Variants in ZSWIM9 observed in about 807,000 individuals in gnomAD.
The protein encoded by ZSWIM9 is zinc finger SWIM-type containing 9, also known as uncharacterized protein ZSWIM9.
Under a neutral mutation model 25.0 loss-of-function variants are expected in ZSWIM9, and 11 were observed. The ratio of observed to expected loss-of-function variants is 0.44; its 90% CI spans 0.28 to 0.73. The LOEUF (loss-of-function observed/expected upper bound fraction) is 0.73. Ranked by LOEUF, ZSWIM9 falls within the 30% of genes least tolerant of loss-of-function variation. ZSWIM9 has a pLI of 0.16. For synonymous variants in ZSWIM9, 562 were observed against 582.1 expected (o/e 0.97, Z 0.50); for missense variants, 1,070 against 1,296.5 (o/e 0.83, Z 2.68).
chr19:48,185,114 CTG>C (rs1256082922), intron 3 of ZSWIM9, among the ~76,000 whole-genome samples: 1 of 149,604 alleles, frequency 6.7e-6, no homozygotes, highest in Non-Finnish European at 1.5e-5. Context: ...GCTCCTGCGT[CTG>C]TGTTTTGACC....
chr19:48,185,678 T>C (rs2037003527), intron 3 of ZSWIM9, among the ~76,000 whole-genome samples: 1 of 152,158 alleles, frequency 6.6e-6, no homozygotes, highest in Admixed American at 6.6e-5. Context: ...TGGAACTTTC[T>C]ACAATGATAG....
chr19:48,192,498 T>TATATATATATACACAC (rs369454865), intron 3 of ZSWIM9, among the ~76,000 whole-genome samples: 397 of 20,682 alleles, frequency 0.019, 16 homozygotes, highest in Middle Eastern at 0.031. Context: ...TATATATATA[T>TATATATATATACACAC]ACACACACAC....
At chr19:48,187,521 T>TATATTATA in intron 3 of ZSWIM9, among the ~76,000 whole-genome samples, 3 of 84,326 alleles carry the variant, frequency 3.6e-5, no homozygotes, top group Non-Finnish European at 6.3e-5. Flanking sequence ...TTATATATAT[T>TATATTATA]ATATATTATA....
chr19:48,195,231 C>G lies in ZSWIM9; in HGVS notation c.1167C>G (p.Val389=), dbSNP rs912216881. The part of the protein sequence containing the change: ...RNWEPRRDMW[V]RFRAFEAARD... ...GGGAGCCCCGCCGCGACATGTGGGT[C>G]CGCTTCCGCGCCTTCGAGGCGGCCA... is the stretch of plus-strand genomic sequence containing the variant. The change falls in exon 4 of 4, where the codon GTC becomes GTG. Residue 389 remains valine (V), a synonymous_variant. Coordinates refer to ENST00000614654, the MANE Select transcript of ZSWIM9 (RefSeq NM_199341.4). The surrounding 1 kb of genome is among the most constrained non-coding windows in gnomAD (Gnocchi z 5.8). The G allele has an allele frequency of 6.5e-7, 1 of 1,528,820 alleles. No homozygotes were observed. Among genetic ancestry groups the G allele is most frequent in the African/African-American group, 1.4e-5 (1 of 72,612 alleles). The allele number at this position is 1,528,820 out of a possible 1,614,324, so 94.7% of individuals were successfully genotyped here.
At chr19:48,191,086 A>ATGTGTG (rs1409972670) in intron 3 of ZSWIM9, among the ~76,000 whole-genome samples, 2,392 of 142,606 alleles carry the variant, frequency 0.017, 76 homozygotes, top group Admixed American at 0.084. Context: ...TGCAGTGTGT[A>ATGTGTG]TGTGTATGTG....
rs572367819 is a variant in ZSWIM9 at position 48,194,532 on chromosome 19, G to A, written c.589-121G>A. On this transcript the variant is annotated intron_variant, in intron 3 of 3. Coordinates refer to ENST00000614654, the MANE Select transcript of ZSWIM9 (RefSeq NM_199341.4). The surrounding 1 kb of genome is among the most constrained non-coding windows in gnomAD (Gnocchi z 6.0). The stretch of plus-strand genomic sequence containing the variant: ...GCCGGTCAAAAGAATAAATGCATAT[G>A]CAGGCAAGAATGAATGGGTGGTCCC... The A allele has an allele frequency of 5.6e-5, 58 of 1,029,454 alleles. No individual in the cohort carries two copies. Among genetic ancestry groups the A allele is most frequent in the Middle Eastern group, 6.6e-4 (2 of 3,016 alleles). The allele number at this position is 1,029,454 out of a possible 1,614,324, so 63.8% of individuals were successfully genotyped here.
Position 48,195,709 on chromosome 19 carries a change from G to A in ZSWIM9, c.1645G>A (p.Gly549Arg). Residue 549 changes from glycine (G) to arginine (R), a missense_variant, in exon 4 of 4, where the codon GGG becomes AGG. By Grantham distance (125) the Gly-to-Arg change is moderately radical. This residue lies in a region of ZSWIM9 where 583 missense variants were observed against 624.7 expected (regional missense o/e 0.93). Coordinates refer to ENST00000614654, the MANE Select transcript of ZSWIM9 (RefSeq NM_199341.4). The surrounding 1 kb of genome is among the most constrained non-coding windows in gnomAD (Gnocchi z 5.8). ...GVLRGSKLEK[G>R]HLRGPEIRDW... ...CTTGAGAGGGTCGAAGTTAGAGAAA[G>A]GGCACCTGAGAGGGCCAGAGATTAG... 2 of 1,468,388 alleles carry A rather than the reference G, an allele frequency of 1.4e-6. No homozygotes were observed. The highest frequency in any genetic ancestry group is 1.8e-6 in the Non-Finnish European group (2 of 1,117,310). 91.0% of individuals were successfully genotyped at this position (1,468,388 alleles called of 1,614,324 possible). A position where few individuals can be genotyped will look rare whatever the true frequency, so the allele number is the denominator to read the frequency against.
Position 48,197,140 on chromosome 19 carries a change from G to A in ZSWIM9, c.*313G>A. The A allele has an allele frequency of 2.9e-6, 2 of 686,928 alleles. No homozygotes were observed. Among genetic ancestry groups the A allele is most frequent in the South Asian group, 1.5e-5 (1 of 65,276 alleles). The allele number at this position is 686,928 out of a possible 1,614,324, so 42.6% of individuals were successfully genotyped here. A position where few individuals can be genotyped will look rare whatever the true frequency, so the allele number is the denominator to read the frequency against. On this transcript the variant is annotated 3_prime_UTR_variant, in exon 4 of 4. Transcript: ENST00000614654. ...GGCTGGGACAGAAGGAAGGAAAGGG[G>A]CAGAGCTGGGGGGAGGGGGAGGAAG...
intron 3 of ZSWIM9, among the ~76,000 whole-genome samples, chr19:48,186,364 G>A (rs914353614): frequency 1.3e-5 from 2 of 151,854 alleles, no homozygotes; most frequent in African/African-American, 4.8e-5. Flanking sequence ...GCAGTGGCAC[G>A]CTGTTGGCTC....
intron 2 of ZSWIM9, 146 bp downstream of exon 2, chr19:48,172,223 C>T (rs553435439): frequency 5.7e-5 from 41 of 722,966 alleles, no homozygotes; most frequent in Non-Finnish European, 8.5e-5. Context: ...TGCAGAGAGG[C>T]GGGAGTCAAG....
chr19:48,197,407 G>T lies in ZSWIM9; in HGVS notation c.*580G>T. The T allele has an allele frequency of 1.6e-6, 1 of 630,740 alleles. No individual in the cohort carries two copies. Among genetic ancestry groups the T allele is most frequent in the South Asian group, 1.9e-5 (1 of 54,044 alleles). 39.1% of individuals were successfully genotyped at this position (630,740 alleles called of 1,614,324 possible). A position where few individuals can be genotyped will look rare whatever the true frequency, so the allele number is the denominator to read the frequency against. ...GATGTAGGAGGGGGAAGAAAAATCGGAGATGAGACAAAAGAAATGTGTGGG... is the reference window on the plus strand; with the variant it reads ...GATGTAGGAGGGGGAAGAAAAATCGTAGATGAGACAAAAGAAATGTGTGGG... On this transcript the variant is annotated 3_prime_UTR_variant, in exon 4 of 4. Coordinates refer to ENST00000614654, the MANE Select transcript of ZSWIM9 (RefSeq NM_199341.4).
intron 3 of ZSWIM9, among the ~76,000 whole-genome samples, chr19:48,185,680 C>T (rs547035505): frequency 6.6e-6 from 1 of 152,258 alleles, no homozygotes; most frequent in Admixed American, 6.5e-5. Flanking sequence ...GAACTTTCTA[C>T]AATGATAGAA....
chr19:48,187,494 TAATA>T (rs1490129483), intron 3 of ZSWIM9, among the ~76,000 whole-genome samples: 1 of 50,274 alleles, frequency 2.0e-5, no homozygotes, highest in East Asian at 5.0e-4. Context: ...TATTATATTA[TAATA>T]TATTATATTA....
Position 48,195,092 on chromosome 19 carries a change from G to T in ZSWIM9, c.1028G>T (p.Trp343Leu). 7.0e-7 allele frequency: 1 copy of T among 1,431,920 alleles called. No individual in the cohort carries two copies. The highest frequency in any genetic ancestry group is 3.2e-5 in the East Asian group (1 of 31,472). The allele number at this position is 1,431,920 out of a possible 1,614,324, so 88.7% of individuals were successfully genotyped here. The change falls in exon 4 of 4, where the codon TGG (tryptophan) becomes TTG (leucine). Residue 343 changes from tryptophan to leucine, a missense_variant. Trp to Leu is a moderately conservative substitution (Grantham distance 61). Around this residue, in one of 4 missense-constraint regions of ZSWIM9, gnomAD observed 184 missense variants for 243.1 expected, o/e 0.76. Transcript: ENST00000614654. This position sits in a 1 kb window ranked among gnomAD's most constrained non-coding sequence, Gnocchi z 5.8. ...GCCGGCCGCGAGGACCCGGGCCTGT[G>T]GTCGCGCCTGTGCCGCCTGGCTGGC... ...GGAGREDPGL[W>L]SRLCRLAGAS...
chr19:48,192,320 G>A (rs2037102012), intron 3 of ZSWIM9, among the ~76,000 whole-genome samples: 3 of 149,376 alleles, frequency 2.0e-5, no homozygotes, highest in Admixed American at 1.3e-4. Context: ...CGTGGTGGCG[G>A]GCACCTGTAA....
intron 2 of ZSWIM9, among the ~76,000 whole-genome samples, chr19:48,175,437 C>T (rs2036882959): frequency 6.6e-6 from 1 of 152,116 alleles, no homozygotes; most frequent in Non-Finnish European, 1.5e-5. Flanking sequence ...CAGGGACAGC[C>T]CATGGGCCGA....
In ZSWIM9 at chr19:48,182,909, T is replaced by C. The variant is rs2036967883; in HGVS notation, c.588+142T>C. ...ATCCGTTCATTCATTCAATAAGTAC[T>C]TACCGAGGCATTGGGGATGCAGCAG... On this transcript the variant is annotated intron_variant, in intron 3 of 3. Coordinates refer to ENST00000614654, the MANE Select transcript of ZSWIM9 (RefSeq NM_199341.4). The surrounding 1 kb of genome is among the most constrained non-coding windows in gnomAD (Gnocchi z 4.6). The C allele has an allele frequency of 2.9e-6, 2 of 691,258 alleles. No homozygotes were observed. Among genetic ancestry groups the C allele is most frequent in the Admixed American group, 5.8e-5 (2 of 34,342 alleles). The allele number at this position is 691,258 out of a possible 1,614,324, so 42.8% of individuals were successfully genotyped here.
intron 3 of ZSWIM9, among the ~76,000 whole-genome samples, chr19:48,186,018 C>T (rs774094058): frequency 1.3e-5 from 2 of 152,160 alleles, no homozygotes; most frequent in Non-Finnish European, 2.9e-5. Context: ...TGGTTCTTAT[C>T]TGTACTGTCC....
intron 3 of ZSWIM9, among the ~76,000 whole-genome samples, chr19:48,185,087 C>T (rs1475642601): frequency 6.6e-6 from 1 of 151,540 alleles, no homozygotes; most frequent in African/African-American, 2.4e-5. Context: ...CTTGGAATCT[C>T]GGCTAAACCA....
Sources: allele counts gnomAD v4.1 joint callset (sites outside exome capture counted in the v4.1 genomes callset), GRCh38; gene constraint gnomAD v4.1.1; regional missense constraint gnomAD v4.1.1; non-coding constraint Gnocchi (gnomAD v3.1); transcripts MANE v1.5; gene names NCBI Gene and HGNC (gene_info 2026-07-23, HGNC 2026-07-21).